SH3BP4: variants seen among roughly 807,000 people sequenced by gnomAD.
SH3BP4 encodes SH3 domain-binding protein 4.
SH3BP4 carries 33 observed loss-of-function variants against 65.5 expected under a neutral mutation model. That is an observed-to-expected ratio of 0.50 (90% CI 0.38 to 0.67). The LOEUF (loss-of-function observed/expected upper bound fraction) is 0.67, where lower values mean the gene tolerates loss of function less well. SH3BP4 is among the 30% of genes least tolerant of loss of function. The probability of loss-of-function intolerance (pLI) is 0.00; values close to 1 mark genes in which losing one functional copy is unlikely to be tolerated. For synonymous variants in SH3BP4, 552 were observed against 545.5 expected, an observed-to-expected ratio of 1.01 and a Z score of -0.17; for missense variants, 1,134 against 1,261.4, an observed-to-expected ratio of 0.90 and a Z score of 1.53.
At chr2:234,953,126 A>T (rs1692514010) in intron 1 of SH3BP4, 1 of 152,230 alleles carries the variant, frequency 6.6e-6, no homozygotes, top group African/African-American at 2.4e-5. Flanking sequence ...TATTCTTTCC[A>T]AGTTAGTAGG....
rs2106339150 is a variant in SH3BP4 at position 235,045,848 on chromosome 2, T to C, written c.2478+2601T>C. Among the ~76,000 whole-genome samples the C allele has an allele frequency of 6.6e-6, 1 of 152,286 alleles. No individual in the cohort carries two copies. Among genetic ancestry groups the C allele is most frequent in the East Asian group, 1.9e-4 (1 of 5,182 alleles). The stretch of plus-strand genomic sequence containing the variant: ...TTTTTAGCATAGCTTTCGGTGTCCT[T>C]GTTCTGATGCCTTGGGTTGGAAACA... On this transcript the variant is annotated intron_variant, in intron 4 of 5. Coordinates refer to ENST00000392011, the MANE Select transcript of SH3BP4 (RefSeq NM_014521.3). This position sits in a 1 kb window ranked among gnomAD's most constrained non-coding sequence, Gnocchi z 4.3.
chr2:235,049,268 C>T (rs528479841), intron 4 of SH3BP4, among the ~76,000 whole-genome samples: 8 of 152,324 alleles, frequency 5.3e-5, no homozygotes, highest in Admixed American at 1.3e-4. Context: ...CCTTGGGGAC[C>T]TGTGCCCAGT....
intron 2 of SH3BP4, among the ~76,000 whole-genome samples, chr2:235,004,657 CACTGCAG>C (rs1694236701): frequency 1.2e-5 from 1 of 80,900 alleles, no homozygotes; most frequent in South Asian, 2.6e-4. Flanking sequence ...GTCTTGTTTT[CACTGCAG>C]ACTGTTTCCA....
chr2:235,032,228 G>A (rs1406054946), intron 2 of SH3BP4, among the ~76,000 whole-genome samples: 1 of 152,210 alleles, frequency 6.6e-6, no homozygotes, highest in Non-Finnish European at 1.5e-5. Context: ...GGATGGGCAG[G>A]TGGGCTCCAG....
chr2:235,016,275 G>A (rs1694682522), intron 2 of SH3BP4, among the ~76,000 whole-genome samples: 1 of 152,156 alleles, frequency 6.6e-6, no homozygotes, highest in Non-Finnish European at 1.5e-5. Flanking sequence ...AGGAATGAAA[G>A]TAAGAGGTGC....
intron 2 of SH3BP4, among the ~76,000 whole-genome samples, chr2:235,024,454 AC>A (rs1694935330): frequency 6.6e-6 from 1 of 151,978 alleles, no homozygotes; most frequent in Admixed American, 6.6e-5. Context: ...TCAGGGCTCC[AC>A]TCACGTCCTC....
rs1693751634 is a variant in SH3BP4 at position 234,991,669 on chromosome 2, A to G, written c.-206-3634A>G. Reference sequence around the variant, plus strand: ...CAGGAGAACAGTGCTTGACTGAAAGATCGTACCCCCCTCTTCTCAGCAAGG... The same window carrying G: ...CAGGAGAACAGTGCTTGACTGAAAGGTCGTACCCCCCTCTTCTCAGCAAGG... On this transcript the variant is annotated intron_variant, in intron 1 of 5. Coordinates refer to ENST00000392011, the MANE Select transcript of SH3BP4 (RefSeq NM_014521.3). This position sits in a 1 kb window ranked among gnomAD's most constrained non-coding sequence, Gnocchi z 4.2. Among the ~76,000 whole-genome samples the G allele has an allele frequency of 6.6e-6, 1 of 152,156 alleles. No individual in the cohort carries two copies. Among genetic ancestry groups the G allele is most frequent in the Non-Finnish European group, 1.5e-5 (1 of 68,020 alleles).
chr2:234,963,712 A>G (rs552657802), intron 1 of SH3BP4, among the ~76,000 whole-genome samples: 13 of 152,184 alleles, frequency 8.5e-5, no homozygotes, highest in African/African-American at 2.9e-4. Context: ...CTAGAAGGGG[A>G]TGAGTGATGG....
At chr2:235,019,433 ATTT>A (rs564639628) in intron 2 of SH3BP4, among the ~76,000 whole-genome samples, 17 of 129,112 alleles carry the variant, frequency 1.3e-4, no homozygotes, top group Non-Finnish European at 9.7e-5. Context: ...GGAAGGGCGA[ATTT>A]TTTTTTTTTT....
At chr2:235,011,753 C>T (rs927484091) in intron 2 of SH3BP4, among the ~76,000 whole-genome samples, 1 of 152,242 alleles carries the variant, frequency 6.6e-6, no homozygotes, top group African/African-American at 2.4e-5. Flanking sequence ...TTTGTCAGAA[C>T]ATATGCCTGT....
chr2:235,009,377 T>A (rs747523793), intron 2 of SH3BP4, among the ~76,000 whole-genome samples: 2 of 152,180 alleles, frequency 1.3e-5, no homozygotes, highest in Non-Finnish European at 2.9e-5. Context: ...AAAGTGTCAC[T>A]GAATGAGCCA....
chr2:234,974,817 A>G lies in SH3BP4; in HGVS notation c.-206-20486A>G, dbSNP rs1171749228. 1.3e-5 allele frequency among the ~76,000 whole-genome samples: 2 copies of G among 151,894 alleles called. No homozygotes were observed. The highest frequency in any genetic ancestry group is 4.8e-5 in the African/African-American group (2 of 41,344). On this transcript the variant is annotated intron_variant, in intron 1 of 5. Coordinates refer to ENST00000392011, the MANE Select transcript of SH3BP4 (RefSeq NM_014521.3). The surrounding 1 kb of genome is among the most constrained non-coding windows in gnomAD (Gnocchi z 4.6). ...TTCTGGACAAGGGTGAGGGGAGGGGAAGGAATCTGAGCCAGTCAGTGTGCC... is the reference window on the plus strand; with the variant it reads ...TTCTGGACAAGGGTGAGGGGAGGGGGAGGAATCTGAGCCAGTCAGTGTGCC...
rs1200050552 is a variant in SH3BP4 at position 235,045,924 on chromosome 2, G to A, written c.2478+2677G>A. 6.6e-6 allele frequency among the ~76,000 whole-genome samples: 1 copy of A among 152,176 alleles called. No homozygotes were observed. The highest frequency in any genetic ancestry group is 1.5e-5 in the Non-Finnish European group (1 of 68,038). On this transcript the variant is annotated intron_variant, in intron 4 of 5. Transcript: ENST00000392011. This position sits in a 1 kb window ranked among gnomAD's most constrained non-coding sequence, Gnocchi z 4.3. ...AGAGTTTGAGACAGTCAGTGTGCAG[G>A]GAGATGGGAAGGAAAAAGGAGTCAA...
chr2:234,970,340 A>G (rs920597908), intron 1 of SH3BP4, among the ~76,000 whole-genome samples: 17 of 152,318 alleles, frequency 1.1e-4, no homozygotes, highest in African/African-American at 3.8e-4. Flanking sequence ...TGTGAAGGTT[A>G]AAGATACTGC....
intron 1 of SH3BP4, among the ~76,000 whole-genome samples, chr2:234,960,672 T>A (rs1467064678): frequency 2.0e-5 from 3 of 152,232 alleles, no homozygotes; most frequent in Non-Finnish European, 4.4e-5. Flanking sequence ...CTTGAAATGC[T>A]CAGTTGCACT....
intron 1 of SH3BP4, chr2:234,981,851 G>GATTATTTTATTT (rs1693394387): frequency 6.6e-6 from 1 of 152,158 alleles, no homozygotes; most frequent in Non-Finnish European, 1.5e-5. Flanking sequence ...TTAGCAAGAA[G>GATTATTTTATTT]ATTATTTTAT....
intron 4 of SH3BP4, among the ~76,000 whole-genome samples, chr2:235,043,751 G>A (rs925420626): frequency 2.7e-5 from 4 of 146,788 alleles, no homozygotes; most frequent in Non-Finnish European, 4.5e-5. Flanking sequence ...CCCAATATGC[G>A]TGGGCGTGGG....
chr2:235,021,443 G>A (rs1332446090), intron 2 of SH3BP4, among the ~76,000 whole-genome samples: 3 of 151,424 alleles, frequency 2.0e-5, no homozygotes, highest in Admixed American at 2.0e-4. Flanking sequence ...GTGAAACCCT[G>A]TCTCTACTAA....
rs1268723161 is a variant in SH3BP4 at position 234,974,024 on chromosome 2, C to T, written c.-206-21279C>T. On this transcript the variant is annotated intron_variant, in intron 1 of 5. Transcript: ENST00000392011. The surrounding 1 kb of genome is among the most constrained non-coding windows in gnomAD (Gnocchi z 4.6). ...GGGTCTAGTAAGTCAACAGGGGAGG[C>T]TTTCAGAACTCAGCAGCTCCTCACT... Among the ~76,000 whole-genome samples, 4 of 152,100 alleles carry T rather than the reference C, an allele frequency of 2.6e-5. No individual in the cohort carries two copies.
Sources: allele counts gnomAD v4.1 joint callset (sites outside exome capture counted in the v4.1 genomes callset), GRCh38; gene constraint gnomAD v4.1.1; non-coding constraint Gnocchi (gnomAD v3.1); transcripts MANE v1.5; gene names NCBI Gene and HGNC (gene_info 2026-07-23, HGNC 2026-07-21).